Variants in MEGF9 observed in about 807,000 individuals in gnomAD.
MEGF9 encodes the protein multiple EGF like domains 9, also known as multiple epidermal growth factor-like domains protein 9.
Under a neutral mutation model 46.8 loss-of-function variants are expected in MEGF9, and 6 were observed. That is an observed-to-expected ratio of 0.13 (90% confidence interval 0.07 to 0.25). MEGF9 has a LOEUF of 0.25. Ranked by LOEUF, MEGF9 falls within the 10% of genes least tolerant of loss-of-function variation. The pLI is 1.00. For synonymous variants in MEGF9, 302 were observed against 330.7 expected, an observed-to-expected ratio of 0.91 and a Z score of 0.94; for missense variants, 683 against 792.4, an observed-to-expected ratio of 0.86 and a Z score of 1.66.
At chr9:120,686,971 A>T (rs1403195919) in intron 1 of MEGF9, among the ~76,000 whole-genome samples, 4 of 151,456 alleles carry the variant, frequency 2.6e-5, no homozygotes, top group Non-Finnish European at 4.4e-5. Context: ...GTGTATGTGT[A>T]TATATATATA....
At chr9:120,695,603 CAAAAAAAAAAAAAAA>C (rs370281228) in intron 1 of MEGF9, among the ~76,000 whole-genome samples, 4 of 18,690 alleles carry the variant, frequency 2.1e-4, no homozygotes, top group East Asian at 2.1e-3. Context: ...GACCCCATCT[CAAAAAAAAAAAAAAA>C]AAAAAAAAAA....
chr9:120,603,037 A>G lies in MEGF9; in HGVS notation c.*2153T>C, dbSNP rs2132294746. On this transcript the variant is annotated 3_prime_UTR_variant, in exon 6 of 6. Transcript: ENST00000373930. ...CCTGGATTGCTCCTGATATTTAAAA[A>G]AAATTAAAAACATCCACAAGTAGAA... 1 of 152,354 alleles carries G rather than the reference A, an allele frequency of 6.6e-6. No homozygotes were observed. Among genetic ancestry groups the G allele is most frequent in the African/African-American group, 2.4e-5 (1 of 41,584 alleles). The allele number at this position is 152,354 out of a possible 1,614,324, so 9.4% of individuals were successfully genotyped here.
intron 1 of MEGF9, among the ~76,000 whole-genome samples, chr9:120,700,230 A>C (rs2043897914): frequency 6.6e-6 from 1 of 152,228 alleles, no homozygotes. Context: ...GAATAGAAAG[A>C]CTAGAATTTA....
At chr9:120,661,923 C>A (rs1446893149) in intron 1 of MEGF9, among the ~76,000 whole-genome samples, 2 of 152,190 alleles carry the variant, frequency 1.3e-5, no homozygotes, top group African/African-American at 4.8e-5. Flanking sequence ...ACTTCTCCTG[C>A]TGGACCTATT....
chr9:120,628,980 G>GT (rs138741382), intron 2 of MEGF9, among the ~76,000 whole-genome samples: 2,979 of 151,966 alleles, frequency 0.02, 109 homozygotes, highest in African/African-American at 0.069. Flanking sequence ...ACTTTGTTTT[G>GT]TTTTTTGTTT....
chr9:120,638,932 T>C (rs555552638), intron 2 of MEGF9, among the ~76,000 whole-genome samples: 10 of 152,344 alleles, frequency 6.6e-5, no homozygotes, highest in African/African-American at 2.4e-4. Context: ...GCCTTCTGCC[T>C]CAGTATCCTG....
rs916097536 is a variant in MEGF9, at chr9:120,601,313, A to G, written c.*3877T>C. On this transcript the variant is annotated 3_prime_UTR_variant, in exon 6 of 6. Transcript: ENST00000373930. ...AATATAGGAACCAGGGATGTTCATT[A>G]TAAGTGGTGTTATGTTCACCAAGCA... 20 of 152,224 alleles carry G rather than the reference A, an allele frequency of 1.3e-4. No individual in the cohort carries two copies. The highest frequency in any genetic ancestry group is 6.2e-4 in the South Asian group (3 of 4,838). The allele number at this position is 152,224 out of a possible 1,614,324, so 9.4% of individuals were successfully genotyped here.
intron 1 of MEGF9, among the ~76,000 whole-genome samples, chr9:120,679,266 C>T (rs1224130535): frequency 6.6e-6 from 1 of 152,130 alleles, no homozygotes; most frequent in Non-Finnish European, 1.5e-5. Context: ...AAATGTGGCA[C>T]ATATACACCA....
chr9:120,657,137 T>G (rs1477370642), intron 2 of MEGF9, among the ~76,000 whole-genome samples: 2 of 152,236 alleles, frequency 1.3e-5, no homozygotes, highest in African/African-American at 4.8e-5. Context: ...AAAGCAGCCA[T>G]AGACAATACA....
At chr9:120,699,378 T>C (rs1027927703) in intron 1 of MEGF9, among the ~76,000 whole-genome samples, 2 of 152,138 alleles carry the variant, frequency 1.3e-5, no homozygotes, top group Non-Finnish European at 2.9e-5. Flanking sequence ...TTTTTCATTT[T>C]CTACAATGTT....
chr9:120,657,710 C>T (rs2043683840), intron 2 of MEGF9, among the ~76,000 whole-genome samples: 1 of 152,062 alleles, frequency 6.6e-6, no homozygotes, highest in Admixed American at 6.5e-5. Context: ...GTTAAGCTAC[C>T]ACTCTATTCT....
chr9:120,653,027 C>T lies in MEGF9; in HGVS notation c.803+6347G>A, dbSNP rs116631788. On this transcript the variant is annotated intron_variant, in intron 2 of 5. Transcript: ENST00000373930. ...ATCCAAGTCTACCAATTTCAAATTCCGCTCCCTTTCTACTACACGTCATCA... is the reference window on the plus strand; with the variant it reads ...ATCCAAGTCTACCAATTTCAAATTCTGCTCCCTTTCTACTACACGTCATCA... Among the ~76,000 whole-genome samples, 1,277 of 152,230 alleles carry T rather than the reference C, an allele frequency of 8.4e-3. 14 individuals carry two copies. Among genetic ancestry groups the T allele is most frequent in the African/African-American group, 0.029 (1,215 of 41,540 alleles).
intron 3 of MEGF9, among the ~76,000 whole-genome samples, chr9:120,612,884 T>C (rs1245802234): frequency 6.6e-6 from 1 of 151,032 alleles, no homozygotes; most frequent in Non-Finnish European, 1.5e-5. Context: ...TGTGGCATTT[T>C]CATAAATGAA....
At chr9:120,640,908 T>C (rs939631173) in intron 2 of MEGF9, among the ~76,000 whole-genome samples, 21 of 145,518 alleles carry the variant, frequency 1.4e-4, no homozygotes, top group African/African-American at 5.0e-4. Context: ...CATCTTTATG[T>C]CCATGTGTAC....
chr9:120,685,774 C>T (rs1236374934), intron 1 of MEGF9, among the ~76,000 whole-genome samples: 6 of 152,170 alleles, frequency 3.9e-5, no homozygotes, highest in African/African-American at 1.4e-4. Flanking sequence ...TGCACAATCA[C>T]ATTCATAGCA....
chr9:120,626,741 T>C (rs73550173), intron 2 of MEGF9, among the ~76,000 whole-genome samples: 2,422 of 152,328 alleles, frequency 0.016, 63 homozygotes, highest in African/African-American at 0.055. Context: ...CAGAGTTTGG[T>C]TCATATTCCA....
At chr9:120,675,390 A>G (rs1313399288) in intron 1 of MEGF9, among the ~76,000 whole-genome samples, 1 of 152,018 alleles carries the variant, frequency 6.6e-6, no homozygotes, top group Non-Finnish European at 1.5e-5. Flanking sequence ...GTTCAATACT[A>G]GCCTGGGCAA....
chr9:120,623,774 G>A (rs2043512081), intron 2 of MEGF9, among the ~76,000 whole-genome samples: 1 of 152,092 alleles, frequency 6.6e-6, no homozygotes, highest in African/African-American at 2.4e-5. Context: ...GAAGGAACCA[G>A]TCAATCGAAG....
intron 1 of MEGF9, among the ~76,000 whole-genome samples, chr9:120,703,110 G>C (rs2043912663): frequency 6.6e-6 from 1 of 152,112 alleles, no homozygotes; most frequent in African/African-American, 2.4e-5. Flanking sequence ...ATAATAAGCT[G>C]GATCTCAAGG....
Sources: allele counts gnomAD v4.1 joint callset (sites outside exome capture counted in the v4.1 genomes callset), GRCh38; gene constraint gnomAD v4.1.1; transcripts MANE v1.5; gene names NCBI Gene and HGNC (gene_info 2026-07-23, HGNC 2026-07-21).